The following NECTIN2 variants were observed in gnomAD, a reference collection of about 807,000 sequenced individuals.
The protein encoded by NECTIN2 is nectin-2.
In NECTIN2, 23 loss-of-function variants were observed where a neutral mutation model predicts 56.9. The observed-to-expected ratio is 0.40, with a 90% confidence interval of 0.29 to 0.57. The LOEUF (loss-of-function observed/expected upper bound fraction) is 0.57. Ranked by LOEUF, NECTIN2 falls within the 20% of genes least tolerant of loss-of-function variation. NECTIN2 has a pLI of 0.38. For missense variants in NECTIN2, 587 were observed against 718.3 expected (o/e 0.82, Z 2.09); for synonymous variants, 302 against 313.8 (o/e 0.96, Z 0.40).
At position 44,865,617 on chromosome 19, in the gene NECTIN2, C is replaced by T. The variant is rs1969091932; in HGVS notation, c.435C>T (p.Phe145=). The change falls in exon 2 of 9, where the codon TTC becomes TTT. Residue 145 remains phenylalanine, a synonymous_variant. Transcript: ENST00000252483. The surrounding 1 kb of genome is among the most constrained non-coding windows in gnomAD (Gnocchi z 5.2). ...ACTACACTTGCGAGTTTGCCACCTT[C>T]CCCAAGGGGTCCGTCCGAGGGATGA... ...EGNYTCEFAT[F]PKGSVRGMTW... 7 of 1,539,192 alleles carry T rather than the reference C, an allele frequency of 4.5e-6. No individual in the cohort carries two copies. The highest frequency in any genetic ancestry group is 6.1e-6 in the Non-Finnish European group (7 of 1,146,398).
chr19:44,849,933 A>G (rs1968881126), intron 1 of NECTIN2, among the ~76,000 whole-genome samples: 1 of 152,154 alleles, frequency 6.6e-6, no homozygotes, highest in South Asian at 2.1e-4. Flanking sequence ...TACACTTTAA[A>G]TGGGTAGATT....
intron 6 of NECTIN2, among the ~76,000 whole-genome samples, chr19:44,883,021 TC>T (rs879689501): frequency 2.1e-4 from 32 of 151,500 alleles, no homozygotes; most frequent in Non-Finnish European, 4.4e-4. Flanking sequence ...GACCTTGGGA[TC>T]CCCCCTCCTC....
intron 1 of NECTIN2, among the ~76,000 whole-genome samples, chr19:44,864,685 A>G (rs993107309): frequency 5.9e-5 from 9 of 152,162 alleles, no homozygotes; most frequent in South Asian, 2.1e-4. Context: ...AAAATTAGCC[A>G]GGCATGGTGG....
chr19:44,852,216 C>T (rs1968907689), intron 1 of NECTIN2, among the ~76,000 whole-genome samples: 1 of 152,022 alleles, frequency 6.6e-6, no homozygotes, highest in Non-Finnish European at 1.5e-5. Flanking sequence ...GTGGTGTGAT[C>T]TTGGCTCACT....
At chr19:44,850,862 T>G (rs116459166) in intron 1 of NECTIN2, among the ~76,000 whole-genome samples, 2,150 of 152,176 alleles carry the variant, frequency 0.014, 43 homozygotes, top group African/African-American at 0.049. Flanking sequence ...ACTCAAAGCC[T>G]CTGGCCTTCA....
At chr19:44,846,846 T>C (rs1319148752) in intron 1 of NECTIN2, among the ~76,000 whole-genome samples, 1 of 150,974 alleles carries the variant, frequency 6.6e-6, no homozygotes, top group African/African-American at 2.4e-5. Flanking sequence ...TCCTTCTTAA[T>C]CCAATTGCCC....
intron 2 of NECTIN2, among the ~76,000 whole-genome samples, chr19:44,867,540 G>C (rs1340297073): frequency 6.6e-6 from 1 of 152,186 alleles, no homozygotes; most frequent in Non-Finnish European, 1.5e-5. Context: ...TAGAAGTAGG[G>C]GACATAGTGG....
At chr19:44,857,821 C>T (rs1968985331) in intron 1 of NECTIN2, among the ~76,000 whole-genome samples, 1 of 151,378 alleles carries the variant, frequency 6.6e-6, no homozygotes, top group Admixed American at 6.6e-5. Flanking sequence ...GCTGGGATTA[C>T]AGGCATGAGC....
intron 2 of NECTIN2, among the ~76,000 whole-genome samples, chr19:44,868,729 C>T (rs1038227636): frequency 2.0e-5 from 3 of 151,428 alleles, no homozygotes; most frequent in Admixed American, 6.6e-5. Flanking sequence ...CTGGCTAACA[C>T]GGTGAAACCC....
At position 44,861,852 on chromosome 19, in the gene NECTIN2, C is replaced by G. The variant is rs148020707; in HGVS notation, c.89-3419C>G. On this transcript the variant is annotated intron_variant, in intron 1 of 8. Coordinates refer to ENST00000252483, the MANE Select transcript of NECTIN2 (RefSeq NM_001042724.2). ...TCAGAAAGTCAAGAAACAACAGATG[C>G]AGGCAAGGTTGTGGAGAAATAGGAA... Among the ~76,000 whole-genome samples, 530 of 152,256 alleles carry G rather than the reference C, an allele frequency of 3.5e-3. 6 individuals carry two copies. The highest frequency in any genetic ancestry group is 0.012 in the African/African-American group (508 of 41,556).
Position 44,874,122 on chromosome 19 carries a change from C to A in NECTIN2, c.893+89C>A, listed in dbSNP as rs1969209267. The A allele has an allele frequency of 1.4e-5, 17 of 1,217,890 alleles. No individual in the cohort carries two copies. Among genetic ancestry groups the A allele is most frequent in the Non-Finnish European group, 2.0e-5 (17 of 863,966 alleles). The allele number at this position is 1,217,890 out of a possible 1,614,324, so 75.4% of individuals were successfully genotyped here. The stretch of plus-strand genomic sequence containing the variant: ...GATCTAAGGGAGGAGGGGCTGGGGG[C>A]CTGGACTCCTGGATCTGAGGGAGGA... On this transcript the variant is annotated intron_variant, in intron 4 of 8. Coordinates refer to ENST00000252483, the MANE Select transcript of NECTIN2 (RefSeq NM_001042724.2). This position sits in a 1 kb window ranked among gnomAD's most constrained non-coding sequence, Gnocchi z 6.3.
chr19:44,880,326 G>A (rs41290122), intron 5 of NECTIN2, among the ~76,000 whole-genome samples: 3,924 of 152,124 alleles, frequency 0.026, 105 homozygotes, highest in Admixed American at 0.098. Flanking sequence ...ACACAGTCTA[G>A]TATGGAAATT....
intron 1 of NECTIN2, among the ~76,000 whole-genome samples, chr19:44,847,632 G>T (rs951920301): frequency 6.6e-6 from 1 of 152,210 alleles, no homozygotes; most frequent in African/African-American, 2.4e-5. Flanking sequence ...CAGAGGCTGG[G>T]AGACTCCTCC....
rs2122693156 is a variant in NECTIN2, at chr19:44,875,294, C to G, written c.1042+816C>G. Among the ~76,000 whole-genome samples the G allele has an allele frequency of 6.7e-6, 1 of 148,668 alleles. No homozygotes were observed. The highest frequency in any genetic ancestry group is 2.0e-4 in the East Asian group (1 of 5,032). On this transcript the variant is annotated intron_variant, in intron 5 of 8. Transcript: ENST00000252483. This position sits in a 1 kb window ranked among gnomAD's most constrained non-coding sequence, Gnocchi z 4.2. ...TTTTTTTTTTTTTTTGAGATGGAGT[C>G]TCGCTCTGTCGCCCAGGCTGAAGTG...
rs764637662 is a variant in NECTIN2 at position 44,865,419 on chromosome 19, C to A, written c.237C>A (p.His79Gln). The change falls in exon 2 of 9, where the codon CAC (histidine) becomes CAA (glutamine). Residue 79 changes from histidine to glutamine, a missense_variant. Coordinates refer to ENST00000252483, the MANE Select transcript of NECTIN2 (RefSeq NM_001042724.2). The surrounding 1 kb of genome is among the most constrained non-coding windows in gnomAD (Gnocchi z 5.2). ...AGCGCCCAGATGCACCTGCGAACCA[C>A]CAGAATGTGGCCGCCTTCCACCCTA... ...TWQRPDAPAN[H>Q]QNVAAFHPKM... is the part of the protein sequence containing the mutation. 19 of 1,614,078 alleles carry A rather than the reference C, an allele frequency of 1.2e-5. No homozygotes were observed. Among genetic ancestry groups the A allele is most frequent in the Non-Finnish European group, 1.5e-5 (18 of 1,180,054 alleles).
rs33951304 is a variant in NECTIN2 at position 44,864,012 on chromosome 19, T to TTCCCCCC, written c.89-1259_89-1258insTCCCCCC. ...TTTTATTGATTTATTTTCAGAGGAT[T>TTCCCCCC]CCCCCCCCCCAAAAAAAAATCTTAT... On this transcript the variant is annotated intron_variant, in intron 1 of 8. Coordinates refer to ENST00000252483, the MANE Select transcript of NECTIN2 (RefSeq NM_001042724.2). Among the ~76,000 whole-genome samples the TTCCCCCC allele has an allele frequency of 1.4e-3, 205 of 146,546 alleles. 4 individuals are homozygous for TTCCCCCC. In the East Asian group the frequency reaches 0.03, roughly 22 times the overall value.
chr19:44,868,506 A>G (rs1369853668), intron 2 of NECTIN2, among the ~76,000 whole-genome samples: 3 of 134,230 alleles, frequency 2.2e-5, no homozygotes, highest in Non-Finnish European at 3.1e-5. Context: ...AAGTCTCACT[A>G]CATTGTCCAG....
intron 2 of NECTIN2, among the ~76,000 whole-genome samples, chr19:44,866,312 G>A (rs1969101309): frequency 6.6e-6 from 1 of 152,066 alleles, no homozygotes; most frequent in African/African-American, 2.4e-5. Context: ...GGCTGAGGTG[G>A]GAGGATCGCT....
At chr19:44,868,454 C>T (rs963106814) in intron 2 of NECTIN2, among the ~76,000 whole-genome samples, 1 of 140,704 alleles carries the variant, frequency 7.1e-6, no homozygotes, top group Non-Finnish European at 1.5e-5. Context: ...GCTTTTTTTT[C>T]TTTTCCTTTT....
Sources: gnomAD v4.1 joint callset for allele counts (sites outside exome capture counted in the v4.1 genomes callset) on GRCh38, gnomAD v4.1.1 for gene constraint, Gnocchi (gnomAD v3.1) non-coding constraint, MANE v1.5 for transcripts, NCBI Gene and HGNC (gene_info 2026-07-23, HGNC 2026-07-21) for gene names.